PRKG1: variants seen among roughly 807,000 people sequenced by gnomAD.
The protein encoded by PRKG1 is cGMP-dependent protein kinase 1.
Under a neutral mutation model 88.1 loss-of-function variants are expected in PRKG1, and 35 were observed. The observed-to-expected ratio is 0.40, with a 90% confidence interval of 0.30 to 0.53. The LOEUF (loss-of-function observed/expected upper bound fraction) is 0.53. PRKG1 is among the 20% of genes least tolerant of loss of function. The pLI is 0.59. For synonymous variants in PRKG1, 303 were observed against 292.5 expected, an observed-to-expected ratio of 1.04 and a Z score of -0.37; for missense variants, 540 against 839.8, an observed-to-expected ratio of 0.64 and a Z score of 4.41.
intron 1 of PRKG1, among the ~76,000 whole-genome samples, chr10:51,045,253 T>G (rs1843472452): frequency 1.3e-5 from 2 of 152,174 alleles, no homozygotes; most frequent in African/African-American, 4.8e-5. Context: ...TTTATTTTAA[T>G]TATATACATA....
At chr10:51,856,270 G>A (rs112397926) in intron 4 of PRKG1, among the ~76,000 whole-genome samples, 1 of 152,126 alleles carries the variant, frequency 6.6e-6, no homozygotes, top group African/African-American at 2.4e-5. Context: ...ATATTTACAG[G>A]TTCCGGGATT....
intron 3 of PRKG1, among the ~76,000 whole-genome samples, chr10:51,617,834 G>T (rs1839100629): frequency 6.6e-6 from 1 of 152,150 alleles, no homozygotes; most frequent in South Asian, 2.1e-4. Flanking sequence ...TATCCTGCTT[G>T]TTTTTCTCAA....
At chr10:51,714,451 C>G (rs527970601) in intron 3 of PRKG1, among the ~76,000 whole-genome samples, 1 of 151,816 alleles carries the variant, frequency 6.6e-6, no homozygotes, top group Admixed American at 6.6e-5. Flanking sequence ...ACATTTATGA[C>G]AACGAAAATA....
At chr10:52,163,261 G>A (rs1395420388) in intron 9 of PRKG1, among the ~76,000 whole-genome samples, 1 of 148,018 alleles carries the variant, frequency 6.8e-6, no homozygotes, top group Non-Finnish European at 1.5e-5. Flanking sequence ...TCAGTTAAGG[G>A]TCTCATTGGT....
intron 2 of PRKG1, among the ~76,000 whole-genome samples, chr10:51,447,962 A>G (rs1483776919): frequency 6.6e-6 from 1 of 152,048 alleles, no homozygotes; most frequent in Non-Finnish European, 1.5e-5. Context: ...TCAGTATCTA[A>G]TATTTTTGAG....
At chr10:51,810,661 G>A (rs970848535) in intron 4 of PRKG1, among the ~76,000 whole-genome samples, 1 of 152,012 alleles carries the variant, frequency 6.6e-6, no homozygotes, top group Non-Finnish European at 1.5e-5. Context: ...TTAAATAAAT[G>A]TGCTACCTAT....
At chr10:52,070,145 C>T (rs1323622762) in intron 7 of PRKG1, among the ~76,000 whole-genome samples, 1 of 152,116 alleles carries the variant, frequency 6.6e-6, no homozygotes, top group Non-Finnish European at 1.5e-5. Flanking sequence ...ACAACCAAAA[C>T]CTAATTATTT....
rs1410606660 is a variant in PRKG1 at position 51,743,659 on chromosome 10, AAT to A, written c.593-60915_593-60914del. Among the ~76,000 whole-genome samples the A allele has an allele frequency of 1.1e-3, 153 of 136,952 alleles. 1 individual carries two copies. The highest frequency in any genetic ancestry group is 7.7e-3 in the Middle Eastern group (2 of 260). 89.8% of individuals were successfully genotyped at this position (136,952 alleles called of 152,430 possible). A position where few individuals can be genotyped will look rare whatever the true frequency, so the allele number is the denominator to read the frequency against. On this transcript the variant is annotated intron_variant, in intron 3 of 17. Transcript: ENST00000373980. ...TTATATATATATATAATATAAACTA[AAT>A]ATATATATATTTATATATATATAAT...
intron 9 of PRKG1, among the ~76,000 whole-genome samples, chr10:52,214,775 G>C (rs756976374): frequency 8.6e-5 from 13 of 151,968 alleles, no homozygotes; most frequent in Non-Finnish European, 1.6e-4. Flanking sequence ...AATGTAATGA[G>C]GAAAGCCCAG....
chr10:51,871,912 T>C (rs1257840140), intron 4 of PRKG1, among the ~76,000 whole-genome samples: 1 of 152,174 alleles, frequency 6.6e-6, no homozygotes, highest in Non-Finnish European at 1.5e-5. Context: ...AAACATTACA[T>C]AGCAAATACA....
chr10:51,410,407 A>G (rs1341495294), intron 2 of PRKG1, among the ~76,000 whole-genome samples: 1 of 151,980 alleles, frequency 6.6e-6, no homozygotes, highest in Non-Finnish European at 1.5e-5. Context: ...AACTTGGGGT[A>G]TGATATTCGA....
At chr10:51,819,191 G>GTATGTATAGA (rs1051090265) in intron 4 of PRKG1, among the ~76,000 whole-genome samples, 1 of 152,000 alleles carries the variant, frequency 6.6e-6, no homozygotes, top group Non-Finnish European at 1.5e-5. Context: ...AGGGGAGAAG[G>GTATGTATAGA]TATGTATAGA....
At chr10:51,542,604 A>C (rs1842334476) in intron 3 of PRKG1, among the ~76,000 whole-genome samples, 1 of 152,196 alleles carries the variant, frequency 6.6e-6, no homozygotes, top group Non-Finnish European at 1.5e-5. Flanking sequence ...CCAATGCTCA[A>C]CTGAGGCTGG....
At chr10:51,378,027 C>T (rs1842849666) in intron 2 of PRKG1, among the ~76,000 whole-genome samples, 1 of 152,234 alleles carries the variant, frequency 6.6e-6, no homozygotes, top group African/African-American at 2.4e-5. Context: ...CTGAGTGGCA[C>T]AGTACATTTC....
intron 3 of PRKG1, among the ~76,000 whole-genome samples, chr10:51,757,232 G>T (rs1837892020): frequency 6.6e-6 from 1 of 152,080 alleles, no homozygotes; most frequent in African/African-American, 2.4e-5. Flanking sequence ...TTCCTGAGTA[G>T]CTGGGATTAT....
chr10:51,054,676 C>T (rs1050603505), intron 1 of PRKG1, among the ~76,000 whole-genome samples: 1 of 152,160 alleles, frequency 6.6e-6, no homozygotes. Flanking sequence ...TTTTAGTGAA[C>T]CTTTCGTTAT....
At chr10:51,022,657 C>G (rs1018789462) in intron 1 of PRKG1, among the ~76,000 whole-genome samples, 3 of 152,104 alleles carry the variant, frequency 2.0e-5, no homozygotes, top group Non-Finnish European at 2.9e-5. Context: ...GAAGAACAAA[C>G]ACACCTTGAT....
At chr10:51,651,419 G>T (rs905171514) in intron 3 of PRKG1, among the ~76,000 whole-genome samples, 1 of 151,756 alleles carries the variant, frequency 6.6e-6, no homozygotes, top group Non-Finnish European at 1.5e-5. Flanking sequence ...TTTACCTATA[G>T]GTTACCCCTG....
chr10:51,607,628 T>C (rs148323744), intron 3 of PRKG1, among the ~76,000 whole-genome samples: 2 of 152,332 alleles, frequency 1.3e-5, no homozygotes, highest in Non-Finnish European at 2.9e-5. Flanking sequence ...CAGCAGAACC[T>C]GCCTTAGTGG....
Sources: allele counts gnomAD v4.1 joint callset (sites outside exome capture counted in the v4.1 genomes callset), GRCh38; gene constraint gnomAD v4.1.1; transcripts MANE v1.5; gene names NCBI Gene and HGNC (gene_info 2026-07-23, HGNC 2026-07-21).